The following FSTL4 variants were observed in gnomAD, a reference collection of about 807,000 sequenced individuals.
FSTL4 encodes follistatin like 4, also known as follistatin-related protein 4.
A neutral mutation model predicts 78.2 loss-of-function variants in FSTL4; 28 were observed. That is an observed-to-expected ratio of 0.36 (90% CI 0.27 to 0.49). The LOEUF (loss-of-function observed/expected upper bound fraction) is 0.49, where lower values mean the gene tolerates loss of function less well. FSTL4 is among the 20% of genes least tolerant of loss of function. The pLI, the probability that FSTL4 is intolerant of heterozygous loss-of-function variation, is 0.98. For missense variants in FSTL4, 922 were observed against 1,084.9 expected (o/e 0.85, Z 2.11); for synonymous variants, 422 against 440.5 (o/e 0.96, Z 0.53).
At chr5:133,337,084 G>A (rs1456087873) in intron 4 of FSTL4, among the ~76,000 whole-genome samples, 2 of 152,220 alleles carry the variant, frequency 1.3e-5, no homozygotes, top group African/African-American at 2.4e-5. Context: ...CGGGGATGGC[G>A]GGCTGCAGGC....
At chr5:133,638,786 G>A in the FSTL4 span, among the ~76,000 whole-genome samples, 2 of 150,930 alleles carry the variant, frequency 1.3e-5, no homozygotes, top group Non-Finnish European at 2.9e-5. Flanking sequence ...ACGTTTTTTC[G>A]TATACATACA....
intron 4 of FSTL4, among the ~76,000 whole-genome samples, chr5:133,377,563 C>G (rs964568567): frequency 2.6e-5 from 4 of 151,866 alleles, no homozygotes; most frequent in Non-Finnish European, 5.9e-5. Flanking sequence ...GCTGGTAGCT[C>G]CATGAGAGCA....
chr5:133,214,044 A>C (rs548298141), intron 13 of FSTL4, among the ~76,000 whole-genome samples: 1 of 152,360 alleles, frequency 6.6e-6, no homozygotes, highest in Admixed American at 6.5e-5. Context: ...AAATGATATA[A>C]TTTTAAAGCA....
chr5:133,672,455 A>C, the FSTL4 span, among the ~76,000 whole-genome samples: 1 of 152,262 alleles, frequency 6.6e-6, no homozygotes, highest in Non-Finnish European at 1.5e-5. Flanking sequence ...TGACTGATAC[A>C]GTGGCTGAGT....
At chr5:133,690,111 C>T in the FSTL4 span, among the ~76,000 whole-genome samples, 1 of 151,800 alleles carries the variant, frequency 6.6e-6, no homozygotes, top group African/African-American at 2.4e-5. Context: ...TTCCCCTGAC[C>T]TCCCCACCGG....
At position 133,350,272 on chromosome 5, in the gene FSTL4, G is replaced by A. The variant is rs118059049; in HGVS notation, c.410-33620C>T. Among the ~76,000 whole-genome samples, 83 of 152,368 alleles carry A rather than the reference G, an allele frequency of 5.4e-4. No homozygotes were observed. The East Asian group carries it at 0.015, about 28-fold the overall frequency. On this transcript the variant is annotated intron_variant, in intron 4 of 15. Transcript: ENST00000265342. ...ACTATATGTTCTTTCTGTTCTTGGA[G>A]ATAGTGTCATACACTTACCAAGAGT...
chr5:133,582,420 A>C (rs1760435274), intron 2 of FSTL4, among the ~76,000 whole-genome samples: 1 of 152,192 alleles, frequency 6.6e-6, no homozygotes, highest in South Asian at 2.1e-4. Flanking sequence ...AAGAGCACTC[A>C]GTATCTGGTA....
chr5:133,673,072 A>G, the FSTL4 span, among the ~76,000 whole-genome samples: 8,641 of 152,274 alleles, frequency 0.057, 457 homozygotes, highest in Middle Eastern at 0.14. Flanking sequence ...TGGGTGATAC[A>G]TAAACAGTTA....
Position 133,199,158 on chromosome 5 carries a change from C to T in FSTL4, c.2466G>A (p.Thr822=), listed in dbSNP as rs773843699. ...SLFLINGRQN[T]LRCEVSGIKG... ...TTATACCTGACACCTCACACCGCAGCGTGTTTTGTCTCCCATTGATGAGGA... is the reference window on the plus strand; with the variant it reads ...TTATACCTGACACCTCACACCGCAGTGTGTTTTGTCTCCCATTGATGAGGA... Residue 822 remains threonine, a synonymous_variant, in exon 16 of 16, where the codon ACG becomes ACA. Transcript: ENST00000265342. This position sits in a 1 kb window ranked among gnomAD's most constrained non-coding sequence, Gnocchi z 4.4. 73 of 1,604,364 alleles carry T rather than the reference C, an allele frequency of 4.6e-5. 2 individuals carry two copies. Among genetic ancestry groups the T allele is most frequent in the Middle Eastern group, 3.3e-4 (2 of 6,006 alleles).
intron 6 of FSTL4, among the ~76,000 whole-genome samples, chr5:133,276,856 T>C (rs1293726435): frequency 6.6e-6 from 1 of 152,164 alleles, no homozygotes; most frequent in Non-Finnish European, 1.5e-5. Flanking sequence ...CAGAATATTA[T>C]CATCAATGAA....
chr5:133,372,769 T>C lies in FSTL4; in HGVS notation c.409+27969A>G, dbSNP rs143814550. Among the ~76,000 whole-genome samples, 6 of 152,306 alleles carry C rather than the reference T, an allele frequency of 3.9e-5. No individual in the cohort carries two copies. In the East Asian group the frequency reaches 1.2e-3, roughly 29 times the overall value. ...GGAATCTGCATATCAAATGTGGCAT[T>C]TTATGGTGCGAACTGAGCCTCCAGC... On this transcript the variant is annotated intron_variant, in intron 4 of 15. Transcript: ENST00000265342.
At chr5:133,313,200 T>G (rs1399633227) in intron 5 of FSTL4, among the ~76,000 whole-genome samples, 1 of 152,186 alleles carries the variant, frequency 6.6e-6, no homozygotes, top group Non-Finnish European at 1.5e-5. Context: ...TCTGCCAGCT[T>G]CCAGCTGCAT....
chr5:133,686,264 A>G, the FSTL4 span, among the ~76,000 whole-genome samples: 55,362 of 152,036 alleles, frequency 0.36, 10,142 homozygotes, highest in South Asian at 0.4. Flanking sequence ...CTAGCTCTGC[A>G]CCTTAAGCAG....
the FSTL4 span, among the ~76,000 whole-genome samples, chr5:133,670,612 T>C: frequency 2.0e-5 from 3 of 152,252 alleles, no homozygotes; most frequent in Non-Finnish European, 2.9e-5. Context: ...GGAGAGTTTA[T>C]TGCTATTATG....
At chr5:133,550,965 G>A (rs557288770) in intron 3 of FSTL4, among the ~76,000 whole-genome samples, 4 of 152,252 alleles carry the variant, frequency 2.6e-5, no homozygotes, top group South Asian at 2.1e-4. Flanking sequence ...CACTTACGAT[G>A]CCTGCCCCAA....
At chr5:133,671,288 T>C in the FSTL4 span, among the ~76,000 whole-genome samples, 1 of 152,070 alleles carries the variant, frequency 6.6e-6, no homozygotes, top group Non-Finnish European at 1.5e-5. Flanking sequence ...AAACAATCTA[T>C]GTAAATGCTT....
At chr5:133,736,682 A>G in the FSTL4 span, among the ~76,000 whole-genome samples, 1 of 152,102 alleles carries the variant, frequency 6.6e-6, no homozygotes, top group East Asian at 1.9e-4. Context: ...CAGACATGAG[A>G]CAAGCTGAGG....
chr5:133,748,846 AAG>A, the FSTL4 span, among the ~76,000 whole-genome samples: 2 of 150,994 alleles, frequency 1.3e-5, no homozygotes, highest in Non-Finnish European at 2.9e-5. Flanking sequence ...AGAAGGCAGA[AAG>A]AGAGAGAGAG....
chr5:133,318,095 C>A (rs1049073827), intron 4 of FSTL4, among the ~76,000 whole-genome samples: 1 of 152,142 alleles, frequency 6.6e-6, no homozygotes, highest in African/African-American at 2.4e-5. Flanking sequence ...AACAGATGCC[C>A]ATTGCCATTT....
Sources: gnomAD v4.1 joint callset for allele counts (sites outside exome capture counted in the v4.1 genomes callset) on GRCh38, gnomAD v4.1.1 for gene constraint, Gnocchi (gnomAD v3.1) non-coding constraint, MANE v1.5 for transcripts, NCBI Gene and HGNC (gene_info 2026-07-23, HGNC 2026-07-21) for gene names.